The following ANKS1B variants were observed in gnomAD, a reference collection of about 807,000 sequenced individuals.
The protein encoded by ANKS1B is ankyrin repeat and sterile alpha motif domain containing 1B.
A neutral mutation model predicts 148.3 loss-of-function variants in ANKS1B; 36 were observed. The observed-to-expected ratio is 0.24, with a 90% CI of 0.19 to 0.32. The LOEUF (loss-of-function observed/expected upper bound fraction) is 0.32. ANKS1B is among the 10% of genes least tolerant of loss of function. The probability of loss-of-function intolerance (pLI) is 1.00; values close to 1 mark genes in which losing one functional copy is unlikely to be tolerated. For synonymous variants in ANKS1B, 542 were observed against 560.8 expected, an observed-to-expected ratio of 0.97 and a Z score of 0.47; for missense variants, 1,157 against 1,542.6, an observed-to-expected ratio of 0.75 and a Z score of 4.19.
At chr12:99,337,209 T>C (rs1287114360) in intron 12 of ANKS1B, among the ~76,000 whole-genome samples, 8 of 151,998 alleles carry the variant, frequency 5.3e-5, no homozygotes, top group Admixed American at 4.6e-4. Context: ...GTTTCTCTGA[T>C]TGTACATTTT....
intron 13 of ANKS1B, among the ~76,000 whole-genome samples, chr12:99,244,987 T>C (rs948806283): frequency 1.8e-4 from 28 of 152,224 alleles, no homozygotes; most frequent in Non-Finnish European, 3.5e-4. Context: ...CCCAAGTAGC[T>C]GGGATTACAG....
chr12:99,213,481 T>A (rs571413768), intron 14 of ANKS1B, among the ~76,000 whole-genome samples: 3 of 152,078 alleles, frequency 2.0e-5, no homozygotes, highest in Admixed American at 6.6e-5. Flanking sequence ...ACTTGCTAAT[T>A]GAAAATTTGG....
chr12:98,996,530 A>T (rs1254590445), intron 17 of ANKS1B, among the ~76,000 whole-genome samples: 1 of 152,022 alleles, frequency 6.6e-6, no homozygotes, highest in East Asian at 1.9e-4. Flanking sequence ...ATTAAGAATT[A>T]CCAGCTGGGT....
At chr12:99,525,407 T>A (rs966170267) in intron 9 of ANKS1B, among the ~76,000 whole-genome samples, 1 of 152,146 alleles carries the variant, frequency 6.6e-6, no homozygotes, top group Non-Finnish European at 1.5e-5. Flanking sequence ...TGTGTGACAA[T>A]AGACAGGTTA....
At chr12:99,430,903 G>C (rs926791291) in intron 11 of ANKS1B, among the ~76,000 whole-genome samples, 2 of 152,258 alleles carry the variant, frequency 1.3e-5, no homozygotes, top group African/African-American at 2.4e-5. Flanking sequence ...TATGGCATTT[G>C]GTTTCAATTT....
intron 10 of ANKS1B, among the ~76,000 whole-genome samples, chr12:99,496,634 C>T (rs1261795942): frequency 6.6e-6 from 1 of 152,030 alleles, no homozygotes; most frequent in Non-Finnish European, 1.5e-5. Context: ...AAAGAGTATC[C>T]TTCATTTTCT....
chr12:98,749,519 G>A (rs142762669), intron 26 of ANKS1B, among the ~76,000 whole-genome samples: 1 of 152,280 alleles, frequency 6.6e-6, no homozygotes, highest in East Asian at 1.9e-4. Flanking sequence ...AGGTGACTGG[G>A]TATCTATGTC....
chr12:99,775,785 G>T, intron 6 of ANKS1B, 124 bp from the exon 7 acceptor site: 1 of 497,918 alleles, frequency 2.0e-6, no homozygotes, highest in Non-Finnish European at 3.5e-6. Context: ...TATATCCTAA[G>T]TTTTCAAAAG....
At chr12:98,921,427 C>G (rs1159327470) in intron 17 of ANKS1B, among the ~76,000 whole-genome samples, 2 of 152,140 alleles carry the variant, frequency 1.3e-5, no homozygotes, top group Admixed American at 1.3e-4. Flanking sequence ...TGATTTTTCT[C>G]TTTACTTTTG....
chr12:99,595,546 C>A (rs972941148), intron 9 of ANKS1B, among the ~76,000 whole-genome samples: 1 of 151,794 alleles, frequency 6.6e-6, no homozygotes, highest in African/African-American at 2.4e-5. Context: ...TAGTATGTAT[C>A]AACTCATTTT....
chr12:99,117,422 G>T (rs1464439055), intron 15 of ANKS1B, among the ~76,000 whole-genome samples: 16 of 152,118 alleles, frequency 1.1e-4, no homozygotes, highest in Admixed American at 1.0e-3. Flanking sequence ...GTTGAATTTT[G>T]TTGAAGGCCT....
chr12:99,424,632 C>CACACACACACACACAT (rs1172095621), intron 11 of ANKS1B, among the ~76,000 whole-genome samples: 3 of 151,234 alleles, frequency 2.0e-5, no homozygotes, highest in Non-Finnish European at 4.4e-5. Flanking sequence ...AACACACACA[C>CACACACACACACACAT]ACACACACAC....
chr12:99,878,454 T>C (rs1182247645), intron 1 of ANKS1B, among the ~76,000 whole-genome samples: 1 of 152,196 alleles, frequency 6.6e-6, no homozygotes, highest in Non-Finnish European at 1.5e-5. Flanking sequence ...TTTTCAAAAA[T>C]CTTTTGTGCT....
chr12:99,659,162 CT>C (rs2098464031), intron 8 of ANKS1B, among the ~76,000 whole-genome samples: 1 of 152,094 alleles, frequency 6.6e-6, no homozygotes, highest in South Asian at 2.1e-4. Context: ...GCACTGCCCC[CT>C]AAAGACAGCA....
intron 11 of ANKS1B, among the ~76,000 whole-genome samples, chr12:99,433,126 G>A (rs1471137775): frequency 2.0e-5 from 3 of 152,028 alleles, no homozygotes; most frequent in Non-Finnish European, 4.4e-5. Flanking sequence ...GATGACAGAT[G>A]GTAAGATTCA....
chr12:99,469,915 T>C (rs984687518), intron 10 of ANKS1B, among the ~76,000 whole-genome samples: 12 of 151,672 alleles, frequency 7.9e-5, no homozygotes, highest in Non-Finnish European at 1.5e-4. Context: ...AGGCCAGGAG[T>C]TCCAGACAAG....
intron 11 of ANKS1B, among the ~76,000 whole-genome samples, chr12:99,426,803 A>G (rs993335061): frequency 6.6e-6 from 1 of 152,144 alleles, no homozygotes; most frequent in Non-Finnish European, 1.5e-5. Flanking sequence ...AGGGTATCTA[A>G]AACTTATACA....
rs181956238 is a variant in ANKS1B at position 99,227,491 on chromosome 12, G to A, written c.2419+16851C>T. Among the ~76,000 whole-genome samples, 70 of 152,270 alleles carry A rather than the reference G, an allele frequency of 4.6e-4. 1 individual carries two copies. The highest frequency in any genetic ancestry group is 1.5e-3 in the African/African-American group (64 of 41,558). On this transcript the variant is annotated intron_variant, in intron 14 of 26. Coordinates refer to ENST00000683438, the MANE Select transcript of ANKS1B (RefSeq NM_001352186.2). ...AACACAGTGGGATGTTTACATTTTA[G>A]TGTTTGCTCAGATTTGGGGCAAGCC...
chr12:99,482,099 T>C (rs2096419541), intron 10 of ANKS1B, among the ~76,000 whole-genome samples: 1 of 152,056 alleles, frequency 6.6e-6, no homozygotes, highest in South Asian at 2.1e-4. Flanking sequence ...ATGAATTCTC[T>C]GCCTTGGCTG....
Sources: gnomAD v4.1 joint callset for allele counts (sites outside exome capture counted in the v4.1 genomes callset) on GRCh38, gnomAD v4.1.1 for gene constraint, MANE v1.5 for transcripts, NCBI Gene and HGNC (gene_info 2026-07-23, HGNC 2026-07-21) for gene names.